CLYBL: variants seen among roughly 807,000 people sequenced by gnomAD.
CLYBL encodes the protein citramalyl-CoA lyase, also known as citramalyl-CoA lyase, mitochondrial.
Under a neutral mutation model 38.9 loss-of-function variants are expected in CLYBL, and 31 were observed. That is an observed-to-expected ratio of 0.80 (90% CI 0.60 to 1.08). CLYBL has a LOEUF of 1.08. CLYBL is among the 50% of genes least tolerant of loss of function. The probability of loss-of-function intolerance (pLI) is 0.00; values close to 1 mark genes in which losing one functional copy is unlikely to be tolerated. For missense variants in CLYBL, 434 were observed against 411.6 expected (o/e 1.05, Z -0.47); for synonymous variants, 171 against 158.6 (o/e 1.08, Z -0.59).
In CLYBL at chr13:99,890,557, C is replaced by T. The variant is rs2052463205; in HGVS notation, c.928-761C>T. ...CTTGGCTCACTGCAACCTCCACCTC[C>T]TGGGTTCAAGCAATTCTTCTGCCTC... On this transcript the variant is annotated intron_variant, in intron 7 of 8. Transcript: ENST00000339105. Among the ~76,000 whole-genome samples the T allele has an allele frequency of 3.3e-5, 5 of 152,224 alleles. No homozygotes were observed. In the South Asian group the frequency reaches 1.0e-3, roughly 32 times the overall value.
intron 1 of CLYBL, among the ~76,000 whole-genome samples, chr13:99,637,333 C>T (rs1462546620): frequency 6.6e-6 from 1 of 152,216 alleles, no homozygotes; most frequent in African/African-American, 2.4e-5. Flanking sequence ...AAACCCATCT[C>T]TGGAGGTGTA....
In CLYBL at chr13:99,804,584, T is replaced by C. The variant is rs556527098; in HGVS notation, c.249+31574T>C. Among the ~76,000 whole-genome samples, 3 of 152,312 alleles carry C rather than the reference T, an allele frequency of 2.0e-5. No individual in the cohort carries two copies. In the East Asian group the frequency reaches 5.8e-4, roughly 29 times the overall value. ...GGGAAGCGAAAGGCTCCCTGCCCTG[T>C]AGTCTTCCTGTCTCGCCTGCCTTTA... On this transcript the variant is annotated intron_variant, in intron 2 of 8. Coordinates refer to ENST00000339105, the MANE Select transcript of CLYBL (RefSeq NM_206808.5).
intron 1 of CLYBL, among the ~76,000 whole-genome samples, chr13:99,679,473 A>G (rs2047701786): frequency 6.6e-6 from 1 of 152,130 alleles, no homozygotes; most frequent in Non-Finnish European, 1.5e-5. Context: ...TAGGGTATTC[A>G]GCGTCCATCT....
chr13:99,839,689 T>A (rs1479148460), intron 2 of CLYBL, among the ~76,000 whole-genome samples: 1 of 152,034 alleles, frequency 6.6e-6, no homozygotes, highest in Non-Finnish European at 1.5e-5. Context: ...CTTTTAAAAA[T>A]TTTTTGTGGG....
In CLYBL at chr13:99,869,874, G is replaced by A. The variant is rs1286690477; in HGVS notation, c.803-1064G>A. Among the ~76,000 whole-genome samples the A allele has an allele frequency of 6.6e-6, 1 of 151,950 alleles. No homozygotes were observed. Among genetic ancestry groups the A allele is most frequent in the Non-Finnish European group, 1.5e-5 (1 of 67,920 alleles). ...TTAAGTGTACATTCATTTTTAAAGA[G>A]CCAATTATGTTCATAACTTTATCAC... On this transcript the variant is annotated intron_variant, in intron 6 of 8. Coordinates refer to ENST00000339105, the MANE Select transcript of CLYBL (RefSeq NM_206808.5). The surrounding 1 kb of genome is among the most constrained non-coding windows in gnomAD (Gnocchi z 4.3).
intron 3 of CLYBL, among the ~76,000 whole-genome samples, chr13:99,862,545 C>T (rs2051630339): frequency 6.6e-6 from 1 of 152,216 alleles, no homozygotes; most frequent in Non-Finnish European, 1.5e-5. Context: ...ATAATATGGA[C>T]TCCACGTAGA....
At chr13:99,625,981 G>C (rs546679632) in intron 1 of CLYBL, among the ~76,000 whole-genome samples, 104 of 152,346 alleles carry the variant, frequency 6.8e-4, no homozygotes, top group Non-Finnish European at 8.5e-4. Context: ...GAGGTGGCTG[G>C]CTGCGTGGAA....
intron 1 of CLYBL, among the ~76,000 whole-genome samples, chr13:99,770,732 A>AT (rs915218566): frequency 6.0e-5 from 9 of 150,832 alleles, no homozygotes; most frequent in African/African-American, 9.8e-5. Context: ...ACTGGCAGTT[A>AT]TTTTTTTTGA....
intron 2 of CLYBL, among the ~76,000 whole-genome samples, chr13:99,794,993 C>T (rs1924100): frequency 0.17 from 26,224 of 152,020 alleles, 2,967 homozygotes; most frequent in East Asian, 0.37. Context: ...ATACTTTTGC[C>T]ATGTATTTTT....
At chr13:99,704,251 T>C (rs987287919) in intron 1 of CLYBL, among the ~76,000 whole-genome samples, 1 of 152,196 alleles carries the variant, frequency 6.6e-6, no homozygotes, top group Non-Finnish European at 1.5e-5. Flanking sequence ...AGGGAAAGAT[T>C]TATTTATATT....
intron 1 of CLYBL, among the ~76,000 whole-genome samples, chr13:99,633,128 T>C (rs1238990784): frequency 6.9e-6 from 1 of 143,992 alleles, no homozygotes; most frequent in Non-Finnish European, 1.5e-5. Flanking sequence ...GGAGAATCTC[T>C]TGAACGTGGG....
intron 1 of CLYBL, among the ~76,000 whole-genome samples, chr13:99,632,771 C>A (rs568219044): frequency 6.6e-5 from 10 of 151,656 alleles, no homozygotes; most frequent in East Asian, 1.9e-4. Flanking sequence ...AACAAAAAAA[C>A]CCCACTAGAT....
intron 7 of CLYBL, among the ~76,000 whole-genome samples, chr13:99,880,960 T>C (rs139270009): frequency 1.6e-4 from 25 of 152,324 alleles, no homozygotes; most frequent in Non-Finnish European, 2.9e-4. Context: ...CTCAGCACCC[T>C]CTCTGAACCT....
intron 1 of CLYBL, among the ~76,000 whole-genome samples, chr13:99,647,925 G>A (rs896902815): frequency 2.7e-4 from 41 of 152,166 alleles, no homozygotes; most frequent in African/African-American, 8.9e-4. Flanking sequence ...GAAAACTTCA[G>A]TGGCTAATAT....
chr13:99,899,259 C>T (rs2052616240), downstream of CLYBL, among the ~76,000 whole-genome samples: 1 of 152,206 alleles, frequency 6.6e-6, no homozygotes, highest in South Asian at 2.1e-4. Flanking sequence ...GGGCCCCCCA[C>T]CATTTTGGCC....
chr13:99,658,591 G>A (rs765459399), intron 1 of CLYBL, among the ~76,000 whole-genome samples: 2 of 152,176 alleles, frequency 1.3e-5, no homozygotes, highest in South Asian at 2.1e-4. Flanking sequence ...CCAGCCCGGC[G>A]ACAGGCCTCG....
downstream of CLYBL, chr13:99,893,283 C>G (rs1486067466): frequency 1.3e-5 from 2 of 152,578 alleles, no homozygotes; most frequent in Admixed American, 1.3e-4. Context: ...GCAGCAGTTC[C>G]CAGAGGAGCA....
intron 1 of CLYBL, among the ~76,000 whole-genome samples, chr13:99,676,583 C>G (rs2047655860): frequency 1.3e-5 from 2 of 151,128 alleles, no homozygotes; most frequent in African/African-American, 4.9e-5. Flanking sequence ...AGCCACCACA[C>G]CCAGCCTTCT....
intron 1 of CLYBL, among the ~76,000 whole-genome samples, chr13:99,694,283 T>C (rs1004429018): frequency 2.0e-5 from 3 of 152,120 alleles, no homozygotes; most frequent in Admixed American, 6.6e-5. Flanking sequence ...ACATCAGTCA[T>C]TGAGGGTCAA....
Sources: allele counts gnomAD v4.1 joint callset (sites outside exome capture counted in the v4.1 genomes callset), GRCh38; gene constraint gnomAD v4.1.1; non-coding constraint Gnocchi (gnomAD v3.1); transcripts MANE v1.5; gene names NCBI Gene and HGNC (gene_info 2026-07-23, HGNC 2026-07-21).